SLC22A9: variants seen among roughly 807,000 people sequenced by gnomAD.
The protein encoded by SLC22A9 is solute carrier family 22 member 9.
A neutral mutation model predicts 50.1 loss-of-function variants in SLC22A9; 64 were observed. The ratio of observed to expected loss-of-function variants is 1.28; its 90% CI spans 1.04 to 1.57. SLC22A9 has a LOEUF of 1.57. Among genes scored for constraint, SLC22A9 ranks in the 40% most tolerant of loss-of-function variants. The pLI, the probability that SLC22A9 is intolerant of heterozygous loss-of-function variation, is 0.00. For synonymous variants in SLC22A9, 261 were observed against 242.5 expected, an observed-to-expected ratio of 1.08 and a Z score of -0.71; for missense variants, 757 against 676.1, an observed-to-expected ratio of 1.12 and a Z score of -1.33.
At chr11:63,388,229 G>A (rs919306488) in intron 6 of SLC22A9, among the ~76,000 whole-genome samples, 2 of 152,020 alleles carry the variant, frequency 1.3e-5, no homozygotes, top group African/African-American at 4.8e-5. Flanking sequence ...ATGACAGTGG[G>A]CATCTTTTGT....
chr11:63,397,004 T>C (rs1300025745), intron 6 of SLC22A9, among the ~76,000 whole-genome samples: 1 of 152,178 alleles, frequency 6.6e-6, no homozygotes, highest in East Asian at 1.9e-4. Context: ...TGTACACATC[T>C]TTCTTGGGAA....
chr11:63,397,502 A>T (rs914900179), intron 6 of SLC22A9, among the ~76,000 whole-genome samples: 5 of 152,156 alleles, frequency 3.3e-5, no homozygotes, highest in Non-Finnish European at 2.9e-5. Context: ...GGGTCTATAG[A>T]TGCCATCCAG....
chr11:63,385,805 C>T (rs1297235610), intron 6 of SLC22A9, among the ~76,000 whole-genome samples: 3 of 152,102 alleles, frequency 2.0e-5, no homozygotes, highest in Non-Finnish European at 2.9e-5. Context: ...TTCCTGATCG[C>T]CCTGGCCAGA....
At chr11:63,398,902 G>T (rs2014906841) in intron 6 of SLC22A9, among the ~76,000 whole-genome samples, 1 of 152,134 alleles carries the variant, frequency 6.6e-6, no homozygotes, top group Non-Finnish European at 1.5e-5. Flanking sequence ...CAGCCATCTT[G>T]CTCCTCTTCG....
chr11:63,398,875 C>T (rs1265461423), intron 6 of SLC22A9, among the ~76,000 whole-genome samples: 1 of 152,116 alleles, frequency 6.6e-6, no homozygotes, highest in Non-Finnish European at 1.5e-5. Context: ...GGAAAGATGA[C>T]CTTAGAGGCT....
intron 8 of SLC22A9, 27 bp downstream of exon 8, chr11:63,408,247 A>G: frequency 6.4e-7 from 1 of 1,573,770 alleles, no homozygotes; most frequent in Non-Finnish European, 8.7e-7. Flanking sequence ...ATGCCCTGTC[A>G]GGTTCAAAAT....
intron 4 of SLC22A9, among the ~76,000 whole-genome samples, chr11:63,375,347 T>C (rs750101475): frequency 3.1e-4 from 47 of 152,240 alleles, no homozygotes; most frequent in Non-Finnish European, 6.6e-4. Context: ...CAGGGATCTA[T>C]CTGTACAAGT....
In SLC22A9 at chr11:63,370,410, T is replaced by G; in HGVS notation, c.354T>G (p.Asp118Glu). 6.2e-7 allele frequency: 1 copy of G among 1,610,834 alleles called. No homozygotes were observed. The highest frequency in any genetic ancestry group is 8.5e-7 in the Non-Finnish European group (1 of 1,178,336). Residue 118 changes from aspartate to glutamate, a missense_variant, in exon 1 of 10, where the codon GAT (aspartate) becomes GAG (glutamate). Coordinates refer to ENST00000279178, the MANE Select transcript of SLC22A9 (RefSeq NM_080866.3). ...ACGCAGACATGGAGCCCTGTGTGGATGGCTGGGTGTATGACAGAATCTCCT... is the reference window on the plus strand; with the variant it reads ...ACGCAGACATGGAGCCCTGTGTGGAGGGCTGGGTGTATGACAGAATCTCCT... ...TSDADMEPCV[D>E]GWVYDRISFS...
intron 6 of SLC22A9, among the ~76,000 whole-genome samples, chr11:63,399,238 C>T (rs1259989249): frequency 6.6e-6 from 1 of 151,992 alleles, no homozygotes; most frequent in Non-Finnish European, 1.5e-5. Context: ...CTAAATTCTC[C>T]AATTAAAAGA....
chr11:63,378,805 C>T (rs1340099838), intron 5 of SLC22A9, among the ~76,000 whole-genome samples: 2 of 151,974 alleles, frequency 1.3e-5, no homozygotes, highest in African/African-American at 4.8e-5. Context: ...AAGAATATAG[C>T]TAGCTAGGGA....
chr11:63,406,557 T>C lies in SLC22A9; in HGVS notation c.1134T>C (p.Asn378=), dbSNP rs779773733. The C allele has an allele frequency of 1.1e-4, 183 of 1,613,682 alleles. 4 individuals carry two copies. The South Asian group carries it at 1.4e-3, about 12-fold the overall frequency. Residue 378 remains asparagine (N), a synonymous_variant, in exon 7 of 10, where the codon AAT becomes AAC. Coordinates refer to ENST00000279178, the MANE Select transcript of SLC22A9 (RefSeq NM_080866.3). ...TCCATGTCCAGCATCTGGGGAACAA[T>C]GTTTTCCTGTTGCAGACTCTCTTTG... is the stretch of plus-strand genomic sequence containing the variant. ...LNLHVQHLGN[N]VFLLQTLFGA...
At chr11:63,382,652 G>A (rs919472551) in intron 6 of SLC22A9, among the ~76,000 whole-genome samples, 1 of 151,966 alleles carries the variant, frequency 6.6e-6, no homozygotes, top group Non-Finnish European at 1.5e-5. Flanking sequence ...TCCATATTTT[G>A]ATATGTAATT....
At chr11:63,404,796 C>A (rs768450127) in intron 6 of SLC22A9, among the ~76,000 whole-genome samples, 3 of 152,252 alleles carry the variant, frequency 2.0e-5, no homozygotes, top group Non-Finnish European at 4.4e-5. Context: ...TTTATGTCTG[C>A]CTGACCATTG....
At chr11:63,380,022 G>A (rs1030072806) in intron 5 of SLC22A9, among the ~76,000 whole-genome samples, 5 of 151,834 alleles carry the variant, frequency 3.3e-5, no homozygotes, top group Non-Finnish European at 4.4e-5. Flanking sequence ...GTAAGCCATC[G>A]TGCCCGGCCA....
At chr11:63,376,455 T>C (rs566383731) in intron 5 of SLC22A9, among the ~76,000 whole-genome samples, 1 of 152,124 alleles carries the variant, frequency 6.6e-6, no homozygotes, top group Admixed American at 6.6e-5. Context: ...TATACACATA[T>C]ATAAAGTATT....
intron 6 of SLC22A9, among the ~76,000 whole-genome samples, chr11:63,401,514 G>A (rs1302160384): frequency 6.6e-6 from 1 of 152,062 alleles, no homozygotes; most frequent in African/African-American, 2.4e-5. Context: ...CATGTGCATG[G>A]ATTAGAAGAA....
chr11:63,395,540 G>A (rs1352225556), intron 6 of SLC22A9, among the ~76,000 whole-genome samples: 2 of 152,184 alleles, frequency 1.3e-5, no homozygotes, highest in East Asian at 1.9e-4. Context: ...TGGTACTGGG[G>A]ATTGTCTGCA....
chr11:63,404,010 T>C (rs952221156), intron 6 of SLC22A9, among the ~76,000 whole-genome samples: 22 of 152,204 alleles, frequency 1.4e-4, no homozygotes, highest in African/African-American at 5.3e-4. Flanking sequence ...CAGAAAAGAA[T>C]TGAAATCAGT....
At chr11:63,375,615 G>T in intron 4 of SLC22A9, 30 bp from the exon 5 acceptor site, 1 of 1,599,316 alleles carries the variant, frequency 6.3e-7, no homozygotes, top group South Asian at 1.1e-5. Context: ...AGTGAAAGTC[G>T]ACTGCCCCTC....
Sources: allele counts gnomAD v4.1 joint callset (sites outside exome capture counted in the v4.1 genomes callset), GRCh38; gene constraint gnomAD v4.1.1; transcripts MANE v1.5; gene names NCBI Gene and HGNC (gene_info 2026-07-23, HGNC 2026-07-21).